Variants in ARHGAP21 observed in about 807,000 individuals in gnomAD.
The protein encoded by ARHGAP21 is rho GTPase-activating protein 21.
Under a neutral mutation model 164.6 loss-of-function variants are expected in ARHGAP21, and 38 were observed. That is an observed-to-expected ratio of 0.23 (90% CI 0.18 to 0.30). The LOEUF is 0.30. ARHGAP21 is among the 10% of genes least tolerant of loss of function. ARHGAP21 has a pLI of 1.00. For synonymous variants in ARHGAP21, 766 were observed against 857.9 expected (o/e 0.89, Z 1.87); for missense variants, 1,822 against 2,370.7 (o/e 0.77, Z 4.81).
intron 9 of ARHGAP21, among the ~76,000 whole-genome samples, chr10:24,618,032 T>G (rs560720994): frequency 8.6e-6 from 1 of 116,706 alleles, no homozygotes; most frequent in East Asian, 2.3e-4. Context: ...GAGGCAAACC[T>G]AGAGACCCTG....
rs976767776 is a variant in ARHGAP21, at chr10:24,583,974, A to G, written c.*438T>C. ...TGTGTTAAAACTGGTAAATGTAATG[A>G]TATCTGTTACCAATAAAACGCATTC... On this transcript the variant is annotated 3_prime_UTR_variant, in exon 26 of 26. Coordinates refer to ENST00000396432, the MANE Select transcript of ARHGAP21 (RefSeq NM_020824.4). The G allele has an allele frequency of 1.3e-5, 2 of 152,678 alleles. No individual in the cohort carries two copies. Among genetic ancestry groups the G allele is most frequent in the African/African-American group, 2.4e-5 (1 of 41,442 alleles). 9.5% of individuals were successfully genotyped at this position (152,678 alleles called of 1,614,324 possible). A position where few individuals can be genotyped will look rare whatever the true frequency, so the allele number is the denominator to read the frequency against.
chr10:24,711,632 A>G (rs1354123813), intron 2 of ARHGAP21, among the ~76,000 whole-genome samples: 8 of 152,226 alleles, frequency 5.3e-5, no homozygotes, highest in East Asian at 3.9e-4. Flanking sequence ...GCCAACAGCA[A>G]CAACAAAAAC....
chr10:24,723,144 C>T (rs1031605178), intron 1 of ARHGAP21: 2 of 151,610 alleles, frequency 1.3e-5, no homozygotes, highest in African/African-American at 4.8e-5. Context: ...CGAGACAAAA[C>T]CGGGGGCCTT....
At chr10:24,687,971 T>A (rs1842371688) in intron 2 of ARHGAP21, among the ~76,000 whole-genome samples, 3 of 152,270 alleles carry the variant, frequency 2.0e-5, no homozygotes, top group Admixed American at 1.3e-4. Flanking sequence ...TAAGTTAATT[T>A]TGAGTTATCA....
chr10:24,718,308 T>G (rs1353254184), intron 2 of ARHGAP21, among the ~76,000 whole-genome samples: 1 of 152,034 alleles, frequency 6.6e-6, no homozygotes, highest in Non-Finnish European at 1.5e-5. Flanking sequence ...CTGGGGAATA[T>G]CCCCCAAAAG....
chr10:24,625,330 GAATA>G (rs1835034460), intron 7 of ARHGAP21, among the ~76,000 whole-genome samples: 1 of 80,628 alleles, frequency 1.2e-5, no homozygotes, highest in Non-Finnish European at 2.6e-5. Flanking sequence ...AAAACCTGAA[GAATA>G]AATAAGGTGG....
intron 1 of ARHGAP21, chr10:24,722,876 C>G (rs1309431033): frequency 1.3e-5 from 2 of 151,898 alleles, no homozygotes; most frequent in African/African-American, 2.4e-5. Flanking sequence ...GGGTGGGACG[C>G]CGGCGCCGCT....
chr10:24,655,269 T>C lies in ARHGAP21; in HGVS notation c.268+11716A>G, dbSNP rs1056926961. On this transcript the variant is annotated intron_variant, in intron 4 of 25. Coordinates refer to ENST00000396432, the MANE Select transcript of ARHGAP21 (RefSeq NM_020824.4). Reference sequence around the variant, plus strand: ...GGCAACAAAAGGCAAAATTGACAAATGGGATCTAATTAAACTAAAGAGCTT... The same window carrying C: ...GGCAACAAAAGGCAAAATTGACAAACGGGATCTAATTAAACTAAAGAGCTT... Among the ~76,000 whole-genome samples the C allele has an allele frequency of 2.8e-4, 43 of 152,156 alleles. 2 individuals carry two copies. The highest frequency in any genetic ancestry group is 8.7e-4 in the African/African-American group (36 of 41,496).
intron 2 of ARHGAP21, among the ~76,000 whole-genome samples, chr10:24,693,915 C>G (rs934960642): frequency 1.3e-5 from 2 of 152,082 alleles, no homozygotes; most frequent in Non-Finnish European, 2.9e-5. Context: ...TTTAGTATCT[C>G]TCTCCTCCAC....
rs1429066771 is a variant in ARHGAP21 at position 24,630,069 on chromosome 10, C to T, written c.441-19G>A. The T allele has an allele frequency of 9.2e-6, 13 of 1,420,502 alleles. No homozygotes were observed. The highest frequency in any genetic ancestry group is 1.3e-5 in the South Asian group (1 of 74,530). The allele number at this position is 1,420,502 out of a possible 1,614,324, so 88.0% of individuals were successfully genotyped here. On this transcript the variant is annotated intron_variant, in intron 6 of 25. Transcript: ENST00000396432. ...TGTATCACTGAAATTGAATTATATA[C>T]TATTTTAGGAGAGGTAGAAGTGTAT... is the stretch of plus-strand genomic sequence containing the variant.
intron 19 of ARHGAP21, among the ~76,000 whole-genome samples, 189 bp from the exon 20 acceptor site, chr10:24,595,379 C>T (rs1416501810): frequency 6.6e-6 from 1 of 152,062 alleles, no homozygotes; most frequent in Non-Finnish European, 1.5e-5. Flanking sequence ...CCATTCCTCC[C>T]CCACCCTCCA....
chr10:24,589,969 C>G (rs769390040), intron 24 of ARHGAP21: 5 of 172,086 alleles, frequency 2.9e-5, no homozygotes, highest in Non-Finnish European at 5.9e-5. Context: ...TTAACAAATG[C>G]TGTTATGGAA....
At chr10:24,670,550 AATTT>A (rs1289545173) in intron 2 of ARHGAP21, among the ~76,000 whole-genome samples, 153 bp from the exon 3 acceptor site, 1 of 152,128 alleles carries the variant, frequency 6.6e-6, no homozygotes, top group African/African-American at 2.4e-5. Context: ...CAAAAACTAA[AATTT>A]ATTATATTAT....
At chr10:24,627,721 A>C (rs1318958604) in intron 7 of ARHGAP21, among the ~76,000 whole-genome samples, 1 of 152,218 alleles carries the variant, frequency 6.6e-6, no homozygotes, top group Admixed American at 6.5e-5. Context: ...CTATTCTAGA[A>C]TATGAATGAG....
At chr10:24,609,419 T>TA (rs1478713605) in intron 9 of ARHGAP21, among the ~76,000 whole-genome samples, 1 of 152,162 alleles carries the variant, frequency 6.6e-6, no homozygotes, top group Non-Finnish European at 1.5e-5. Context: ...GGTGGGAGGA[T>TA]AGATACTCAC....
intron 2 of ARHGAP21, among the ~76,000 whole-genome samples, chr10:24,688,795 A>G (rs1049653404): frequency 6.6e-6 from 1 of 152,198 alleles, no homozygotes; most frequent in Admixed American, 6.5e-5. Context: ...CCCATGCCCC[A>G]TGAATAGGAA....
In ARHGAP21 at chr10:24,596,793, T is replaced by G; in HGVS notation, c.3424A>C (p.Thr1142Pro). The G allele has an allele frequency of 6.2e-7, 1 of 1,613,352 alleles. No homozygotes were observed. Among genetic ancestry groups the G allele is most frequent in the South Asian group, 1.1e-5 (1 of 90,832 alleles). Residue 1142 changes from threonine to proline, a missense_variant, in exon 17 of 26, where the codon ACA (threonine) becomes CCA (proline). By Grantham distance (38) the Thr-to-Pro change is conservative. Coordinates refer to ENST00000396432, the MANE Select transcript of ARHGAP21 (RefSeq NM_020824.4). ...RKTFEKKPTA[T>P]GTFGVRLDDC... Reference sequence around the variant, plus strand: ...TCTAGTCGGACGCCGAAAGTTCCTGTAGCAGTTGGCTTTTTCTCAAATGTC... The same window carrying G: ...TCTAGTCGGACGCCGAAAGTTCCTGGAGCAGTTGGCTTTTTCTCAAATGTC...
At chr10:24,605,844 CT>C (rs2077001616) in intron 11 of ARHGAP21, 1 of 152,040 alleles carries the variant, frequency 6.6e-6, no homozygotes. Flanking sequence ...AAATAATAGC[CT>C]TACCAGGTAA....
chr10:24,597,314 C>A, intron 16 of ARHGAP21, 133 bp downstream of exon 16: 1 of 1,216,608 alleles, frequency 8.2e-7, no homozygotes. Context: ...GAGCCCAGAC[C>A]AAGCCTACTA....
Sources: allele counts gnomAD v4.1 joint callset (sites outside exome capture counted in the v4.1 genomes callset), GRCh38; gene constraint gnomAD v4.1.1; transcripts MANE v1.5; gene names NCBI Gene and HGNC (gene_info 2026-07-23, HGNC 2026-07-21).